Variants in FAT4 observed in about 807,000 individuals in gnomAD.
FAT4 encodes protocadherin Fat 4.
A neutral mutation model predicts 303.9 loss-of-function variants in FAT4; 84 were observed. That is an observed-to-expected ratio of 0.28 (90% CI 0.23 to 0.33). The LOEUF (loss-of-function observed/expected upper bound fraction) is 0.33, where lower values mean the gene tolerates loss of function less well. Among genes scored for constraint, FAT4 ranks in the 10% least tolerant of loss-of-function variants. The pLI, the probability that FAT4 is intolerant of heterozygous loss-of-function variation, is 1.00. For missense variants in FAT4, 6,005 were observed against 6,146.8 expected (o/e 0.98, Z 0.77); for synonymous variants, 2,307 against 2,298.8 (o/e 1.00, Z -0.10).
At chr4:125,351,157 T>A (rs1732210919) in intron 2 of FAT4, among the ~76,000 whole-genome samples, 1 of 151,736 alleles carries the variant, frequency 6.6e-6, no homozygotes, top group Admixed American at 6.6e-5. Context: ...TTATTTTTAT[T>A]TAATTAACTT....
chr4:125,420,897 A>G (rs1256604442), intron 7 of FAT4, among the ~76,000 whole-genome samples: 1 of 152,308 alleles, frequency 6.6e-6, no homozygotes, highest in Admixed American at 6.5e-5. Context: ...CAAAACCTGC[A>G]TGAGCAGAAA....
intron 2 of FAT4, among the ~76,000 whole-genome samples, chr4:125,375,823 T>G (rs1733293271): frequency 6.6e-6 from 1 of 152,238 alleles, no homozygotes; most frequent in South Asian, 2.1e-4. Flanking sequence ...TACTGAGATT[T>G]GAAGTCACCT....
chr4:125,385,022 A>T (rs200472572), intron 2 of FAT4, among the ~76,000 whole-genome samples: 6,119 of 79,698 alleles, frequency 0.077, 369 homozygotes, highest in African/African-American at 0.18. Context: ...ATATATATAT[A>T]TATTTTTTTT....
chr4:125,472,063 A>T (rs1306345704), intron 12 of FAT4, among the ~76,000 whole-genome samples: 1 of 122,112 alleles, frequency 8.2e-6, no homozygotes, highest in East Asian at 2.5e-4. Context: ...ACAGAGCAAG[A>T]CTCTGTCTCA....
Position 125,398,860 on chromosome 4 carries a change from A to G in FAT4, c.5252A>G (p.Glu1751Gly). The G allele has an allele frequency of 6.2e-7, 1 of 1,613,270 alleles. No individual in the cohort carries two copies. Among genetic ancestry groups the G allele is most frequent in the East Asian group, 2.2e-5 (1 of 44,844 alleles). ...PTDMLDLTVE[E>G]NIGDGSKIMQ... is the part of the protein sequence containing the mutation. ...GACATGCTGGATCTCACGGTAGAGG[A>G]GAACATTGGAGATGGCTCTAAGATT... The change falls in exon 3 of 18, where the codon GAG becomes GGG. Residue 1751 changes from glutamate to glycine, a missense_variant. By Grantham distance (98) the Glu-to-Gly change is moderately conservative. Coordinates refer to ENST00000394329, the MANE Select transcript of FAT4 (RefSeq NM_001291303.3).
chr4:125,391,230 G>A (rs1338466535), intron 2 of FAT4, among the ~76,000 whole-genome samples: 1 of 152,096 alleles, frequency 6.6e-6, no homozygotes, highest in Non-Finnish European at 1.5e-5. Flanking sequence ...TATGTTTACT[G>A]CAGCTCTATT....
chr4:125,395,706 A>G (rs1003849657), intron 2 of FAT4, among the ~76,000 whole-genome samples: 1 of 152,136 alleles, frequency 6.6e-6, no homozygotes, highest in African/African-American at 2.4e-5. Flanking sequence ...TGGAATTCTT[A>G]CTAAAAATAT....
Position 125,319,880 on chromosome 4 carries a change from A to G in FAT4, c.3469A>G (p.Asn1157Asp), listed in dbSNP as rs2125943377. The G allele has an allele frequency of 6.2e-6, 10 of 1,614,154 alleles. No homozygotes were observed. The highest frequency in any genetic ancestry group is 8.5e-6 in the Non-Finnish European group (10 of 1,180,044). Residue 1157 changes from asparagine to aspartate, a missense_variant, in exon 2 of 18, where the codon AAT becomes GAT. Coordinates refer to ENST00000394329, the MANE Select transcript of FAT4 (RefSeq NM_001291303.3). Reference sequence around the variant, plus strand: ...GCATGCCATCAGTGGGGAAATTACAAATACTCATCAGTTTGACAGGGAGTC... The same window carrying G: ...GCATGCCATCAGTGGGGAAATTACAGATACTCATCAGTTTGACAGGGAGTC... ...ELHAISGEITNTHQFDRESLM... is the reference protein window; with the variant it reads ...ELHAISGEITDTHQFDRESLM...
chr4:125,416,372 T>G (rs1215352694), intron 6 of FAT4, 76 bp from the exon 7 acceptor site: 3 of 1,313,422 alleles, frequency 2.3e-6, no homozygotes, highest in Non-Finnish European at 3.1e-6. Context: ...TACCTCATTT[T>G]TTTTTAATGG....
rs111545082 is a variant in FAT4 at position 125,384,207 on chromosome 4, C to T, written c.5176-14577C>T. Among the ~76,000 whole-genome samples the T allele has an allele frequency of 1.8e-3, 270 of 152,220 alleles. 2 individuals are homozygous for T. The highest frequency in any genetic ancestry group is 6.0e-3 in the African/African-American group (251 of 41,540). On this transcript the variant is annotated intron_variant, in intron 2 of 17. Coordinates refer to ENST00000394329, the MANE Select transcript of FAT4 (RefSeq NM_001291303.3). ...AATTCCTATGACTGGAATTACAAGT[C>T]ATGTGATAGCTATATTTAACATATT... is the stretch of plus-strand genomic sequence containing the variant.
chr4:125,459,355 A>G (rs1726403120), intron 10 of FAT4, among the ~76,000 whole-genome samples: 1 of 152,074 alleles, frequency 6.6e-6, no homozygotes, highest in South Asian at 2.1e-4. Context: ...CAATAGATTC[A>G]GTTTATGTTC....
chr4:125,454,491 C>T (rs2126064045), intron 10 of FAT4, among the ~76,000 whole-genome samples: 1 of 152,260 alleles, frequency 6.6e-6, no homozygotes, highest in East Asian at 1.9e-4. Flanking sequence ...TGGGAATAAT[C>T]ATAAGTACTT....
chr4:125,477,080 CT>C (rs1200381353), intron 13 of FAT4, 74 bp from the exon 14 acceptor site: 3 of 1,172,984 alleles, frequency 2.6e-6, no homozygotes, highest in Non-Finnish European at 3.3e-6. Flanking sequence ...TATATTCACT[CT>C]TTTTCGAACT....
intron 2 of FAT4, among the ~76,000 whole-genome samples, chr4:125,353,779 G>A (rs1732322862): frequency 6.6e-6 from 1 of 151,612 alleles, no homozygotes; most frequent in Non-Finnish European, 1.5e-5. Context: ...AATCGTTAGA[G>A]TAAAATATTT....
At chr4:125,432,607 G>A (rs1210692488) in intron 7 of FAT4, among the ~76,000 whole-genome samples, 1 of 147,718 alleles carries the variant, frequency 6.8e-6, no homozygotes, top group African/African-American at 2.4e-5. Flanking sequence ...GTACTAAAAA[G>A]GCATTTACAT....
At chr4:125,358,496 C>T (rs965131835) in intron 2 of FAT4, among the ~76,000 whole-genome samples, 91 of 152,118 alleles carry the variant, frequency 6.0e-4, no homozygotes, top group East Asian at 3.9e-4. Context: ...AGATCATCAC[C>T]ATTGGATTCT....
At chr4:125,419,188 C>T (rs1560811084) in intron 7 of FAT4, among the ~76,000 whole-genome samples, 1 of 152,140 alleles carries the variant, frequency 6.6e-6, no homozygotes, top group East Asian at 1.9e-4. Flanking sequence ...AATACTTATT[C>T]TAGCTATTAA....
In FAT4 at chr4:125,446,549, C is replaced by T. The variant is rs1472252125; in HGVS notation, c.7450+6C>T. ...CCCATCTCCTACTCTTCCAGGTAAT[C>T]AACCAAATTCTGAGGCCACATGGAT... On this transcript the variant is annotated splice_donor_region_variant and intron_variant, in intron 9 of 17. Coordinates refer to ENST00000394329, the MANE Select transcript of FAT4 (RefSeq NM_001291303.3). 6.2e-7 allele frequency: 1 copy of T among 1,600,938 alleles called. No homozygotes were observed. The highest frequency in any genetic ancestry group is 2.2e-5 in the East Asian group (1 of 44,628).
intron 7 of FAT4, among the ~76,000 whole-genome samples, chr4:125,428,821 C>A (rs1402331267): frequency 6.6e-6 from 1 of 152,084 alleles, no homozygotes; most frequent in Non-Finnish European, 1.5e-5. Context: ...ATCTTCTTAA[C>A]CTCTACAATT....
Sources: gnomAD v4.1 joint callset for allele counts (sites outside exome capture counted in the v4.1 genomes callset) on GRCh38, gnomAD v4.1.1 for gene constraint, MANE v1.5 for transcripts, NCBI Gene and HGNC (gene_info 2026-07-23, HGNC 2026-07-21) for gene names.